Variants in SYT1 observed in about 807,000 individuals in gnomAD.
SYT1 encodes synaptotagmin-1.
Under a neutral mutation model 44.8 loss-of-function variants are expected in SYT1, and 8 were observed. The observed-to-expected ratio is 0.18, with a 90% CI of 0.10 to 0.32. The LOEUF is 0.32. Ranked by LOEUF, SYT1 falls within the 10% of genes least tolerant of loss-of-function variation. The pLI is 1.00. For synonymous variants in SYT1, 154 were observed against 188.8 expected (o/e 0.82, Z 1.51); for missense variants, 286 against 509.3 (o/e 0.56, Z 4.22).
chr12:79,087,116 T>A (rs1418128350), intron 3 of SYT1, among the ~76,000 whole-genome samples: 1 of 152,150 alleles, frequency 6.6e-6, no homozygotes, highest in Non-Finnish European at 1.5e-5. Flanking sequence ...TTTTCTAGCT[T>A]TATGATTCTA....
At chr12:79,004,049 C>A (rs1870916757) in intron 2 of SYT1, among the ~76,000 whole-genome samples, 1 of 151,594 alleles carries the variant, frequency 6.6e-6, no homozygotes, top group African/African-American at 2.4e-5. Flanking sequence ...ATCTAATGAC[C>A]CTCCTTTTTA....
intron 3 of SYT1, among the ~76,000 whole-genome samples, chr12:79,213,413 G>A (rs1038816278): frequency 2.6e-5 from 4 of 152,116 alleles, no homozygotes; most frequent in Admixed American, 1.3e-4. Context: ...ACTACTATAT[G>A]ACTTTAACTG....
Position 79,043,056 on chromosome 12 carries a change from A to G in SYT1, c.-83-4241A>G, listed in dbSNP as rs1873716477. ...GAGCTTTACTTCCAAGTATGTGGTC[A>G]ATTTTGGAATAGGTGTGGTGTGGTG... On this transcript the variant is annotated intron_variant, in intron 2 of 10. Transcript: ENST00000261205. Among the ~76,000 whole-genome samples the G allele has an allele frequency of 5.4e-5, 8 of 147,960 alleles. 1 individual carries two copies. In the Admixed American group the frequency reaches 5.5e-4, roughly 10 times the overall value.
chr12:79,331,802 A>G (rs1332773662), intron 8 of SYT1, among the ~76,000 whole-genome samples: 2 of 151,710 alleles, frequency 1.3e-5, no homozygotes, highest in Non-Finnish European at 2.9e-5. Flanking sequence ...AGGATATCAT[A>G]TAATAAAATT....
In SYT1 at chr12:79,238,994, A is replaced by G. The variant is rs769304440; in HGVS notation, c.166+21309A>G. On this transcript the variant is annotated intron_variant, in intron 4 of 10. Coordinates refer to ENST00000261205, the MANE Select transcript of SYT1 (RefSeq NM_005639.3). Reference sequence around the variant, plus strand: ...TATAGCACTTGCCAATTTTATTTGTATGTTCTAGTTATTTGCCTTATTCTT... The same window carrying G: ...TATAGCACTTGCCAATTTTATTTGTGTGTTCTAGTTATTTGCCTTATTCTT... 9.2e-5 allele frequency among the ~76,000 whole-genome samples: 14 copies of G among 152,270 alleles called. No individual in the cohort carries two copies. In the Middle Eastern group the frequency reaches 0.01, roughly 111 times the overall value.
intron 3 of SYT1, among the ~76,000 whole-genome samples, chr12:79,074,422 G>A (rs1876496500): frequency 6.6e-6 from 1 of 152,076 alleles, no homozygotes; most frequent in African/African-American, 2.4e-5. Context: ...CTCCATCTTT[G>A]TGCCTAAATC....
chr12:79,252,707 A>G (rs1028080180), intron 4 of SYT1, among the ~76,000 whole-genome samples: 1 of 152,182 alleles, frequency 6.6e-6, no homozygotes, highest in African/African-American at 2.4e-5. Context: ...GACCTGTAGC[A>G]TGAGTGAGAA....
chr12:78,999,946 C>G (rs1870622377), intron 2 of SYT1, among the ~76,000 whole-genome samples: 1 of 152,040 alleles, frequency 6.6e-6, no homozygotes, highest in African/African-American at 2.4e-5. Context: ...CTAAGAAATG[C>G]TAACTATTGG....
intron 3 of SYT1, among the ~76,000 whole-genome samples, chr12:79,207,196 T>C (rs1874175707): frequency 6.6e-6 from 1 of 152,100 alleles, no homozygotes; most frequent in Admixed American, 6.6e-5. Flanking sequence ...GGTCACACAA[T>C]GTGCATGAGC....
intron 8 of SYT1, among the ~76,000 whole-genome samples, chr12:79,341,987 G>C (rs1882396089): frequency 6.6e-6 from 1 of 152,126 alleles, no homozygotes; most frequent in South Asian, 2.1e-4. Context: ...CAAGAGGGCA[G>C]AATGTCAAGC....
At chr12:79,101,603 CAA>C (rs1203917469) in intron 3 of SYT1, among the ~76,000 whole-genome samples, 1 of 152,124 alleles carries the variant, frequency 6.6e-6, no homozygotes, top group Non-Finnish European at 1.5e-5. Context: ...TTAAAATAGT[CAA>C]GTTTGTGTTA....
At chr12:78,904,659 T>C (rs1386246212) in intron 1 of SYT1, among the ~76,000 whole-genome samples, 1 of 152,126 alleles carries the variant, frequency 6.6e-6, no homozygotes, top group African/African-American at 2.4e-5. Flanking sequence ...GAGATACATA[T>C]TCCATTGTTC....
At position 79,093,018 on chromosome 12, in the gene SYT1, C is replaced by T. The variant is rs893514682; in HGVS notation, c.-18+45656C>T. Among the ~76,000 whole-genome samples, 9 of 151,636 alleles carry T rather than the reference C, an allele frequency of 5.9e-5. 1 individual carries two copies. The highest frequency in any genetic ancestry group is 3.9e-4 in the East Asian group (2 of 5,144). On this transcript the variant is annotated intron_variant, in intron 3 of 10. Transcript: ENST00000261205. ...ACAATTTTGGAATACATGTGAATAACATATCTATAAAATTATAACTCAAAG... is the reference window on the plus strand; with the variant it reads ...ACAATTTTGGAATACATGTGAATAATATATCTATAAAATTATAACTCAAAG...
intron 3 of SYT1, among the ~76,000 whole-genome samples, chr12:79,202,188 C>T (rs529720767): frequency 6.6e-6 from 1 of 152,228 alleles, no homozygotes; most frequent in Non-Finnish European, 1.5e-5. Flanking sequence ...GTGGTATATT[C>T]ATCAGTCTTA....
rs533299693 is a variant in SYT1, at chr12:79,250,288, C to T, written c.166+32603C>T. 1.8e-4 allele frequency among the ~76,000 whole-genome samples: 28 copies of T among 152,198 alleles called. 1 individual carries two copies. The Middle Eastern group carries it at 0.01, about 55-fold the overall frequency. On this transcript the variant is annotated intron_variant, in intron 4 of 10. Coordinates refer to ENST00000261205, the MANE Select transcript of SYT1 (RefSeq NM_005639.3). ...TGTGTCTGACTTCCAGAATATGATA[C>T]CTCCCAGTAAGAAAAAGCTCTTATT... is the stretch of plus-strand genomic sequence containing the variant.
At chr12:79,393,863 C>T (rs1023298999) in intron 9 of SYT1, 1 of 152,122 alleles carries the variant, frequency 6.6e-6, no homozygotes, top group African/African-American at 2.4e-5. Context: ...TTTCTTTAAG[C>T]TTCTCTGTCA....
chr12:79,225,963 A>G (rs191781196), intron 4 of SYT1, among the ~76,000 whole-genome samples: 10 of 152,270 alleles, frequency 6.6e-5, no homozygotes, highest in African/African-American at 2.4e-4. Context: ...ATTTTGTTTT[A>G]AATTGCTCTA....
At chr12:79,254,713 G>C (rs1052312650) in intron 4 of SYT1, among the ~76,000 whole-genome samples, 1 of 152,104 alleles carries the variant, frequency 6.6e-6, no homozygotes, top group African/African-American at 2.4e-5. Flanking sequence ...ATTCATAGGA[G>C]GTCAAAATAT....
intron 4 of SYT1, among the ~76,000 whole-genome samples, chr12:79,247,532 T>C (rs1344977706): frequency 6.6e-6 from 1 of 152,132 alleles, no homozygotes. Context: ...TATTAAGAAC[T>C]CCAGGATTAT....
Sources: gnomAD v4.1 joint callset for allele counts (sites outside exome capture counted in the v4.1 genomes callset) on GRCh38, gnomAD v4.1.1 for gene constraint, MANE v1.5 for transcripts, NCBI Gene and HGNC (gene_info 2026-07-23, HGNC 2026-07-21) for gene names.